ARHGAP32: variants seen among roughly 807,000 people sequenced by gnomAD.
The protein encoded by ARHGAP32 is rho GTPase-activating protein 32.
Under a neutral mutation model 186.5 loss-of-function variants are expected in ARHGAP32, and 51 were observed. The ratio of observed to expected loss-of-function variants is 0.27; its 90% CI spans 0.22 to 0.35. ARHGAP32 has a LOEUF of 0.35. Ranked by LOEUF, ARHGAP32 falls within the 10% of genes least tolerant of loss-of-function variation. The probability of loss-of-function intolerance (pLI) is 1.00; values close to 1 mark genes in which losing one functional copy is unlikely to be tolerated. For synonymous variants in ARHGAP32, 950 were observed against 964.3 expected, an observed-to-expected ratio of 0.99 and a Z score of 0.27; for missense variants, 2,186 against 2,623.5, an observed-to-expected ratio of 0.83 and a Z score of 3.64.
At chr11:128,996,109 A>G (rs1946192874) in intron 12 of ARHGAP32, among the ~76,000 whole-genome samples, 1 of 152,220 alleles carries the variant, frequency 6.6e-6, no homozygotes, top group Admixed American at 6.5e-5. Context: ...GGATATCATA[A>G]TTTAGAAAAA....
chr11:129,126,716 A>G (rs1419800675), intron 2 of ARHGAP32, among the ~76,000 whole-genome samples: 2 of 152,222 alleles, frequency 1.3e-5, no homozygotes, highest in Non-Finnish European at 2.9e-5. Flanking sequence ...ATTGAGTATT[A>G]AGAATTGAGT....
intron 11 of ARHGAP32, among the ~76,000 whole-genome samples, chr11:129,014,716 T>C (rs912758542): frequency 6.6e-6 from 1 of 152,234 alleles, no homozygotes; most frequent in African/African-American, 2.4e-5. Flanking sequence ...ATGTTTAACA[T>C]GTCCAGTGGA....
chr11:128,979,547 TAAC>T (rs1945651875), intron 18 of ARHGAP32, among the ~76,000 whole-genome samples: 1 of 152,224 alleles, frequency 6.6e-6, no homozygotes. Context: ...TCTACTCTCT[TAAC>T]TACTACTCCA....
intron 11 of ARHGAP32, among the ~76,000 whole-genome samples, chr11:129,037,542 C>T (rs1939399011): frequency 6.6e-6 from 1 of 151,840 alleles, no homozygotes; most frequent in Admixed American, 6.6e-5. Context: ...AAATGAAAAA[C>T]ATCCCTTGTT....
intron 15 of ARHGAP32, among the ~76,000 whole-genome samples, chr11:128,984,717 A>T (rs899639955): frequency 3.3e-5 from 5 of 152,276 alleles, no homozygotes; most frequent in African/African-American, 1.2e-4. Context: ...GGTAAGTAAT[A>T]TAATATATAT....
At chr11:129,275,381 C>T (rs1041541837) in intron 1 of ARHGAP32, among the ~76,000 whole-genome samples, 2 of 152,150 alleles carry the variant, frequency 1.3e-5, no homozygotes, top group African/African-American at 4.8e-5. Flanking sequence ...TCCCTGGTCA[C>T]AAAGGAAATC....
intron 2 of ARHGAP32, among the ~76,000 whole-genome samples, chr11:129,131,562 C>A (rs1036541473): frequency 2.0e-5 from 3 of 152,034 alleles, no homozygotes; most frequent in African/African-American, 7.2e-5. Context: ...CAATAAAAAA[C>A]CACCCAAAAC....
intron 1 of ARHGAP32, among the ~76,000 whole-genome samples, chr11:129,232,949 A>G (rs1944877823): frequency 6.6e-6 from 1 of 152,124 alleles, no homozygotes; most frequent in Non-Finnish European, 1.5e-5. Flanking sequence ...CCAGTTGCAG[A>G]TGGAATTGTT....
intron 5 of ARHGAP32, among the ~76,000 whole-genome samples, chr11:129,094,310 T>A (rs1018656417): frequency 6.6e-6 from 1 of 152,186 alleles, no homozygotes; most frequent in East Asian, 1.9e-4. Context: ...ACACATTGCA[T>A]GCCTGTATGA....
chr11:129,135,708 A>G (rs1169409916), intron 2 of ARHGAP32, among the ~76,000 whole-genome samples: 1 of 152,146 alleles, frequency 6.6e-6, no homozygotes, highest in Non-Finnish European at 1.5e-5. Flanking sequence ...CGGAGCTTGC[A>G]ATGAGCTGAG....
At chr11:128,990,629 G>C (rs1946021225) in intron 12 of ARHGAP32, among the ~76,000 whole-genome samples, 1 of 152,154 alleles carries the variant, frequency 6.6e-6, no homozygotes, top group African/African-American at 2.4e-5. Flanking sequence ...ACTTCTTGTG[G>C]ATTTAATTGA....
intron 1 of ARHGAP32, among the ~76,000 whole-genome samples, chr11:129,215,588 CA>C (rs1944635336): frequency 6.6e-6 from 1 of 152,090 alleles, no homozygotes; most frequent in East Asian, 1.9e-4. Flanking sequence ...AGGCCATTTA[CA>C]TTCCTTGGCT....
chr11:129,029,127 T>C (rs933731372), intron 11 of ARHGAP32, among the ~76,000 whole-genome samples: 1 of 152,236 alleles, frequency 6.6e-6, no homozygotes, highest in Non-Finnish European at 1.5e-5. Context: ...TAGGTTCCTA[T>C]AAGCAATTCT....
intron 1 of ARHGAP32, among the ~76,000 whole-genome samples, chr11:129,218,553 T>C (rs905582619): frequency 1.3e-5 from 2 of 152,074 alleles, no homozygotes; most frequent in African/African-American, 4.8e-5. Context: ...TCCTCAGATA[T>C]AAATTGATAT....
chr11:129,143,781 C>T (rs1204649893), intron 2 of ARHGAP32, among the ~76,000 whole-genome samples: 2 of 152,144 alleles, frequency 1.3e-5, no homozygotes, highest in Non-Finnish European at 2.9e-5. Flanking sequence ...AACCTTCTAT[C>T]CATGAAACTG....
intron 20 of ARHGAP32, among the ~76,000 whole-genome samples, chr11:128,975,827 T>G (rs1945526359): frequency 6.6e-6 from 1 of 152,178 alleles, no homozygotes; most frequent in South Asian, 2.1e-4. Flanking sequence ...GGTGGGCAGA[T>G]CACCTGAGGT....
At chr11:129,176,648 A>G (rs1943922229) in intron 1 of ARHGAP32, among the ~76,000 whole-genome samples, 1 of 150,836 alleles carries the variant, frequency 6.6e-6, no homozygotes, top group African/African-American at 2.4e-5. Flanking sequence ...AAAACCGCTC[A>G]ACTACATGGA....
chr11:129,258,193 C>T (rs1945279449), intron 1 of ARHGAP32, among the ~76,000 whole-genome samples: 1 of 152,050 alleles, frequency 6.6e-6, no homozygotes, highest in African/African-American at 2.4e-5. Context: ...TATTAAACAA[C>T]TATCATATTA....
chr11:129,033,563 T>C (rs1296391949), intron 11 of ARHGAP32, among the ~76,000 whole-genome samples: 1 of 152,234 alleles, frequency 6.6e-6, no homozygotes, highest in Non-Finnish European at 1.5e-5. Context: ...ATCTGCCCTT[T>C]CACTGTCTTA....
Sources: gnomAD v4.1 joint callset for allele counts (sites outside exome capture counted in the v4.1 genomes callset) on GRCh38, gnomAD v4.1.1 for gene constraint, MANE v1.5 for transcripts, NCBI Gene and HGNC (gene_info 2026-07-23, HGNC 2026-07-21) for gene names.